The following UBR2 variants were observed in gnomAD, a reference collection of about 807,000 sequenced individuals.
The protein encoded by UBR2 is ubiquitin protein ligase E3 component n-recognin 2, also known as E3 ubiquitin-protein ligase UBR2.
In UBR2, 92 loss-of-function variants were observed where a neutral mutation model predicts 247.9. The observed-to-expected ratio is 0.37, with a 90% CI of 0.31 to 0.44. UBR2 has a LOEUF of 0.44. Ranked by LOEUF, UBR2 falls within the 20% of genes least tolerant of loss-of-function variation. The probability of loss-of-function intolerance (pLI) is 1.00; values close to 1 mark genes in which losing one functional copy is unlikely to be tolerated. For missense variants in UBR2, 1,613 were observed against 2,112.6 expected, an observed-to-expected ratio of 0.76 and a Z score of 4.64; for synonymous variants, 672 against 693.5, an observed-to-expected ratio of 0.97 and a Z score of 0.49.
At chr6:42,682,905 C>A (rs1295071911) in intron 42 of UBR2, 150 bp from the exon 43 acceptor site, 3 of 625,196 alleles carry the variant, frequency 4.8e-6, no homozygotes, top group African/African-American at 3.8e-5. Flanking sequence ...AAGTTGTAGG[C>A]AAAATAGTAT....
intron 30 of UBR2, among the ~76,000 whole-genome samples, chr6:42,661,705 T>G (rs1265202222): frequency 6.6e-6 from 1 of 152,174 alleles, no homozygotes; most frequent in African/African-American, 2.4e-5. Flanking sequence ...CTGATGTGAT[T>G]ATTCGCTGTA....
rs749862338 is a variant in UBR2 at position 42,670,185 on chromosome 6, T to C, written c.3975T>C (p.Asp1325=). The stretch of plus-strand genomic sequence containing the variant: ...TAAAGGTTCATCCCAATGAAGAGGA[T>C]CCTCGTGTTCCCATAATGTGTTGGG... ...VGLKVHPNEE[D]PRVPIMCWGS... is the part of the protein sequence containing the mutation. The change falls in exon 35 of 47, where the codon GAT becomes GAC. Residue 1325 remains aspartate (D), a synonymous_variant. Coordinates refer to ENST00000372901, the MANE Select transcript of UBR2 (RefSeq NM_001363705.2). 6.2e-7 allele frequency: 1 copy of C among 1,614,186 alleles called. No individual in the cohort carries two copies. The highest frequency in any genetic ancestry group is 8.5e-7 in the Non-Finnish European group (1 of 1,180,030).
chr6:42,644,837 G>C (rs887748774), intron 20 of UBR2, among the ~76,000 whole-genome samples: 1 of 152,176 alleles, frequency 6.6e-6, no homozygotes, highest in East Asian at 1.9e-4. Context: ...TCAAGGAATA[G>C]GATATTTAAG....
chr6:42,606,072 A>G (rs113298779), intron 6 of UBR2, among the ~76,000 whole-genome samples: 3,549 of 152,124 alleles, frequency 0.023, 125 homozygotes, highest in African/African-American at 0.08. Context: ...GTGAAACCCC[A>G]TCTTTACTAA....
chr6:42,651,507 AT>A (rs1350901290), intron 23 of UBR2, among the ~76,000 whole-genome samples: 1 of 150,522 alleles, frequency 6.6e-6, no homozygotes, highest in Middle Eastern at 3.4e-3. Context: ...TTTATTTTTT[AT>A]TTTTTTTGAG....
At chr6:42,617,615 A>G (rs115747443) in intron 11 of UBR2, 108 bp downstream of exon 11, 582 of 999,802 alleles carry the variant, frequency 5.8e-4, no homozygotes, top group Non-Finnish European at 7.8e-4. Flanking sequence ...TATTTTATTA[A>G]TGGGTAATCA....
At chr6:42,628,689 C>T (rs1795505836) in intron 11 of UBR2, among the ~76,000 whole-genome samples, 1 of 146,806 alleles carries the variant, frequency 6.8e-6, no homozygotes, top group African/African-American at 2.5e-5. Context: ...TGCCACTGCA[C>T]TCTAGCCTGA....
chr6:42,602,607 TTG>T (rs145962701), intron 4 of UBR2, among the ~76,000 whole-genome samples: 12 of 149,696 alleles, frequency 8.0e-5, no homozygotes, highest in East Asian at 3.9e-4. Flanking sequence ...ATATGTGTTT[TTG>T]TGTGTGTGTG....
chr6:42,597,271 CTT>C (rs1447333814), intron 4 of UBR2, among the ~76,000 whole-genome samples: 2 of 152,196 alleles, frequency 1.3e-5, no homozygotes, highest in Non-Finnish European at 1.5e-5. Context: ...AGAATAAAGC[CTT>C]CCAAACTCTA....
At chr6:42,578,477 A>T (rs1279531141) in intron 2 of UBR2, among the ~76,000 whole-genome samples, 1 of 152,128 alleles carries the variant, frequency 6.6e-6, no homozygotes, top group Non-Finnish European at 1.5e-5. Flanking sequence ...GTGGATGAGC[A>T]TTGGAAGTGT....
chr6:42,587,339 ATTC>A (rs1792358264), intron 2 of UBR2, among the ~76,000 whole-genome samples: 1 of 151,868 alleles, frequency 6.6e-6, no homozygotes, highest in Admixed American at 6.6e-5. Flanking sequence ...TTTGTTGCAT[ATTC>A]TTCTTTTAAT....
intron 4 of UBR2, among the ~76,000 whole-genome samples, chr6:42,601,175 T>G (rs1409270907): frequency 6.6e-6 from 1 of 152,184 alleles, no homozygotes; most frequent in African/African-American, 2.4e-5. Context: ...AGAAATGGAA[T>G]GACTGTTTGG....
In UBR2 at chr6:42,659,999, C is replaced by G. The variant is rs1056884006; in HGVS notation, c.3442+144C>G. The G allele has an allele frequency of 1.2e-5, 9 of 765,420 alleles. No homozygotes were observed. The highest frequency in any genetic ancestry group is 1.9e-5 in the Non-Finnish European group (9 of 481,474). The allele number at this position is 765,420 out of a possible 1,614,324, so 47.4% of individuals were successfully genotyped here. A position where few individuals can be genotyped will look rare whatever the true frequency, so the allele number is the denominator to read the frequency against. On this transcript the variant is annotated intron_variant, in intron 30 of 46. Coordinates refer to ENST00000372901, the MANE Select transcript of UBR2 (RefSeq NM_001363705.2). The surrounding 1 kb of genome is among the most constrained non-coding windows in gnomAD (Gnocchi z 4.3). ...TGGCAGGTAACTTAGGCAGGAATTC[C>G]CCACTTGGCAGATGTGGAACCACTC...
intron 11 of UBR2, among the ~76,000 whole-genome samples, chr6:42,619,121 A>G (rs1311593155): frequency 1.3e-5 from 2 of 151,934 alleles, no homozygotes; most frequent in African/African-American, 2.4e-5. Flanking sequence ...CCATTTTGAC[A>G]TCTTAAATCC....
intron 2 of UBR2, among the ~76,000 whole-genome samples, chr6:42,586,196 C>T (rs1462461738): frequency 6.6e-6 from 1 of 151,224 alleles, no homozygotes; most frequent in Non-Finnish European, 1.5e-5. Flanking sequence ...GAAACCCCAT[C>T]TCTACCAAAA....
At chr6:42,666,076 CTT>C (rs1798090719) in intron 33 of UBR2, 89 bp from the exon 34 acceptor site, 6 of 1,113,620 alleles carry the variant, frequency 5.4e-6, no homozygotes, top group Non-Finnish European at 7.5e-6. Context: ...AATTTTTTTC[CTT>C]TTGTTTTTGA....
At chr6:42,613,094 C>CT (rs1794194637) in intron 8 of UBR2, among the ~76,000 whole-genome samples, 1 of 151,100 alleles carries the variant, frequency 6.6e-6, no homozygotes, top group South Asian at 2.1e-4. Flanking sequence ...GAGTGAAACT[C>CT]TGTTTCAAAA....
At chr6:42,628,345 T>C (rs1795482829) in intron 11 of UBR2, among the ~76,000 whole-genome samples, 1 of 152,102 alleles carries the variant, frequency 6.6e-6, no homozygotes, top group Non-Finnish European at 1.5e-5. Flanking sequence ...GCCCTAGATA[T>C]TAGTGGAATG....
In UBR2 at chr6:42,686,772, C is replaced by T. The variant is rs538657908; in HGVS notation, c.4854-1444C>T. The stretch of plus-strand genomic sequence containing the variant: ...GCTGCCCCCCACCTCCCGGACTGGG[C>T]GGCTGCTGGGCGGAGACGCTCCTCA... On this transcript the variant is annotated intron_variant, in intron 44 of 46. Transcript: ENST00000372901. Among the ~76,000 whole-genome samples, 6 of 151,572 alleles carry T rather than the reference C, an allele frequency of 4.0e-5. No individual in the cohort carries two copies. The South Asian group carries it at 1.3e-3, about 32-fold the overall frequency.
Sources: gnomAD v4.1 joint callset for allele counts (sites outside exome capture counted in the v4.1 genomes callset) on GRCh38, gnomAD v4.1.1 for gene constraint, Gnocchi (gnomAD v3.1) non-coding constraint, MANE v1.5 for transcripts, NCBI Gene and HGNC (gene_info 2026-07-23, HGNC 2026-07-21) for gene names.